Variants in AVPI1 observed in about 807,000 individuals in gnomAD.
AVPI1 encodes arginine vasopressin induced 1.
Under a neutral mutation model 11.9 loss-of-function variants are expected in AVPI1, and 9 were observed. The ratio of observed to expected loss-of-function variants is 0.76; its 90% CI spans 0.46 to 1.32. AVPI1 has a LOEUF of 1.32. Ranked by LOEUF, AVPI1 falls within the 40% of genes most tolerant of loss-of-function variation. The pLI, the probability that AVPI1 is intolerant of heterozygous loss-of-function variation, is 0.00. For synonymous variants in AVPI1, 68 were observed against 78.1 expected, an observed-to-expected ratio of 0.87 and a Z score of 0.68; for missense variants, 207 against 195.8, an observed-to-expected ratio of 1.06 and a Z score of -0.34.
intron 2 of AVPI1, among the ~76,000 whole-genome samples, 154 bp from the exon 3 acceptor site, chr10:97,678,179 G>A (rs2041676950): frequency 6.6e-6 from 1 of 152,190 alleles, no homozygotes. Flanking sequence ...AGAACTGTCT[G>A]ACTAGACAAA....
chr10:97,680,388 C>T (rs994886671), intron 1 of AVPI1, among the ~76,000 whole-genome samples: 3 of 152,188 alleles, frequency 2.0e-5, no homozygotes, highest in Admixed American at 6.5e-5. Context: ...TTTAATCCTC[C>T]TCATTTCACA....
intron 1 of AVPI1, 125 bp from the exon 2 acceptor site, chr10:97,680,040 G>T: frequency 1.0e-6 from 1 of 969,986 alleles, no homozygotes; most frequent in Non-Finnish European, 1.5e-6. Flanking sequence ...GAAGTCTCCT[G>T]CCTTAAAATC....
chr10:97,677,710 A>G lies in AVPI1; in HGVS notation c.*159T>C, dbSNP rs568121112. On this transcript the variant is annotated 3_prime_UTR_variant, in exon 3 of 3. Coordinates refer to ENST00000370626, the MANE Select transcript of AVPI1 (RefSeq NM_021732.3). The stretch of plus-strand genomic sequence containing the variant: ...GGTCCCACATAATGGAGAGCTCAAC[A>G]GAAGCATCCAGTCTTGTTCTGAATG... 12 of 807,792 alleles carry G rather than the reference A, an allele frequency of 1.5e-5. No individual in the cohort carries two copies. Among genetic ancestry groups the G allele is most frequent in the Admixed American group, 8.8e-5 (3 of 34,138 alleles). 50.0% of individuals were successfully genotyped at this position (807,792 alleles called of 1,614,324 possible).
In AVPI1 at chr10:97,679,878, C is replaced by T. The variant is rs1307740805; in HGVS notation, c.28G>A (p.Glu10Lys). 28 of 1,590,106 alleles carry T rather than the reference C, an allele frequency of 1.8e-5. No homozygotes were observed. Among genetic ancestry groups the T allele is most frequent in the Middle Eastern group, 1.7e-4 (1 of 6,058 alleles). The change falls in exon 2 of 3, where the codon GAG becomes AAG. Residue 10 changes from glutamate to lysine, a missense_variant. Glu to Lys is a moderately conservative substitution (Grantham distance 56, BLOSUM62 1). Coordinates refer to ENST00000370626, the MANE Select transcript of AVPI1 (RefSeq NM_021732.3). ...ATCGGGGCCTGCCAAGGGGGTGGCT[C>T]ACTGACCACCGAGGCTGGGGTACCC... is the stretch of plus-strand genomic sequence containing the variant. The part of the protein sequence containing the change: MGTPASVVS[E>K]PPPWQAPIEA...
chr10:97,681,424 A>G (rs566635971), intron 1 of AVPI1, among the ~76,000 whole-genome samples: 160 of 152,166 alleles, frequency 1.1e-3, no homozygotes, highest in African/African-American at 3.0e-3. Context: ...CTCTACTAAA[A>G]ATACAAAAGT....
At position 97,677,754 on chromosome 10, in the gene AVPI1, A is replaced by G. The variant is rs2041673011; in HGVS notation, c.*115T>C. The G allele has an allele frequency of 5.5e-6, 7 of 1,272,776 alleles. No homozygotes were observed. Among genetic ancestry groups the G allele is most frequent in the Non-Finnish European group, 7.7e-6 (7 of 914,898 alleles). 78.8% of individuals were successfully genotyped at this position (1,272,776 alleles called of 1,614,324 possible). A position where few individuals can be genotyped will look rare whatever the true frequency, so the allele number is the denominator to read the frequency against. On this transcript the variant is annotated 3_prime_UTR_variant, in exon 3 of 3. Coordinates refer to ENST00000370626, the MANE Select transcript of AVPI1 (RefSeq NM_021732.3). ...CTGAATGGAGCAGGTCAGTGGCAGCAGCCTCTTGCTTTCATTTACCCCTTT... is the reference window on the plus strand; with the variant it reads ...CTGAATGGAGCAGGTCAGTGGCAGCGGCCTCTTGCTTTCATTTACCCCTTT...
chr10:97,681,826 C>T (rs1224555999), intron 1 of AVPI1, among the ~76,000 whole-genome samples: 2 of 143,950 alleles, frequency 1.4e-5, no homozygotes, highest in Non-Finnish European at 3.0e-5. Flanking sequence ...TGCAGTGAGC[C>T]GAGATTGCGC....
At chr10:97,684,879 C>T (rs1350944977) in intron 1 of AVPI1, among the ~76,000 whole-genome samples, 1 of 152,080 alleles carries the variant, frequency 6.6e-6, no homozygotes, top group Non-Finnish European at 1.5e-5. Flanking sequence ...TAGGCTGATT[C>T]CAGGTAGGAT....
chr10:97,679,158 T>TG (rs1377431601), intron 2 of AVPI1, among the ~76,000 whole-genome samples: 5 of 149,044 alleles, frequency 3.4e-5, no homozygotes, highest in African/African-American at 1.2e-4. Context: ...TTTTTTTTTT[T>TG]GAGACAGAGT....
In AVPI1 at chr10:97,678,943, G is replaced by GACAGGA. The variant is rs2041684810; in HGVS notation, c.287+675_287+676insTCCTGT. Among the ~76,000 whole-genome samples the GACAGGA allele has an allele frequency of 1.9e-4, 8 of 41,726 alleles. 1 individual carries two copies. Among genetic ancestry groups the GACAGGA allele is most frequent in the East Asian group, 1.3e-3 (2 of 1,482 alleles). 27.4% of individuals were successfully genotyped at this position (41,726 alleles called of 152,430 possible). A position where few individuals can be genotyped will look rare whatever the true frequency, so the allele number is the denominator to read the frequency against. ...TGTGTGTGTGTGTGTGTGTGTGTGT[G>GACAGGA]TGTGTGTGTGTGTGTGTGTGTGTGT... is the stretch of plus-strand genomic sequence containing the variant. On this transcript the variant is annotated intron_variant, in intron 2 of 2. Coordinates refer to ENST00000370626, the MANE Select transcript of AVPI1 (RefSeq NM_021732.3).
chr10:97,679,517 C>T (rs2041691248), intron 2 of AVPI1, 102 bp downstream of exon 2: 14 of 1,400,204 alleles, frequency 1.0e-5, no homozygotes, highest in South Asian at 1.5e-5. Context: ...TGGGCAGGCA[C>T]TTTACAGTGA....
rs2041674615 is a variant in AVPI1, at chr10:97,677,943, TC to T, written c.369del (p.Lys124ArgfsTer45). On this transcript the variant is annotated frameshift_variant, in exon 3 of 3. Transcript: ENST00000370626. LOFTEE classifies it high-confidence loss of function. ...TASSEQYLHS[R>X]KKSARIRRNW... ...TTCCGGCGGATCCTGGCACTTTTCTTCCTAGAGTGCAGATACTGCTCACTGG... is the reference window on the plus strand; with the variant it reads ...TTCCGGCGGATCCTGGCACTTTTCTTCTAGAGTGCAGATACTGCTCACTGG... 1 of 1,614,092 alleles carries T rather than the reference TC, an allele frequency of 6.2e-7. No individual in the cohort carries two copies. Among genetic ancestry groups the T allele is most frequent in the Non-Finnish European group, 8.5e-7 (1 of 1,180,018 alleles).
At chr10:97,683,719 A>G (rs2041715707) in intron 1 of AVPI1, among the ~76,000 whole-genome samples, 1 of 152,230 alleles carries the variant, frequency 6.6e-6, no homozygotes, top group Non-Finnish European at 1.5e-5. Context: ...AAAGAGGAAG[A>G]GCCCAGCTTC....
chr10:97,679,120 G>C (rs1478568882), intron 2 of AVPI1, among the ~76,000 whole-genome samples: 1 of 148,218 alleles, frequency 6.7e-6, no homozygotes, highest in Non-Finnish European at 1.5e-5. Context: ...GGTTGTATAT[G>C]ACTCCAAAAG....
chr10:97,686,550 C>A (rs1050921836), intron 1 of AVPI1, among the ~76,000 whole-genome samples: 2 of 152,182 alleles, frequency 1.3e-5, no homozygotes, highest in Non-Finnish European at 2.9e-5. Context: ...GGCAGTCTGA[C>A]CCCAGCACCC....
chr10:97,684,451 G>C (rs2041719267), intron 1 of AVPI1, among the ~76,000 whole-genome samples: 1 of 151,506 alleles, frequency 6.6e-6, no homozygotes, highest in Non-Finnish European at 1.5e-5. Context: ...GAACCTTAGG[G>C]AGGGCCTAGC....
intron 1 of AVPI1, among the ~76,000 whole-genome samples, chr10:97,681,894 G>GAAAAAAA (rs555725587): frequency 1.9e-5 from 2 of 106,286 alleles, no homozygotes; most frequent in African/African-American, 3.5e-5. Context: ...CAAAAAAAAA[G>GAAAAAAA]AAAAAAAAAA....
chr10:97,682,940 G>A lies in AVPI1; in HGVS notation c.-10-3025C>T, dbSNP rs2041711871. On this transcript the variant is annotated intron_variant, in intron 1 of 2. Transcript: ENST00000370626. ...GTGACAAGAAGACAACAGTCGCCAA[G>A]TAACACTTTTAGGCTGATAAAAAGA... 2.0e-5 allele frequency among the ~76,000 whole-genome samples: 3 copies of A among 152,224 alleles called. No homozygotes were observed. The South Asian group carries it at 6.2e-4, about 31-fold the overall frequency.
At chr10:97,681,866 C>T (rs1426883915) in intron 1 of AVPI1, among the ~76,000 whole-genome samples, 2 of 118,978 alleles carry the variant, frequency 1.7e-5, no homozygotes, top group African/African-American at 3.3e-5. Context: ...GCCTGGGCGA[C>T]AGAGCGAGAC....
Sources: allele counts gnomAD v4.1 joint callset (sites outside exome capture counted in the v4.1 genomes callset), GRCh38; gene constraint gnomAD v4.1.1; transcripts MANE v1.5; gene names NCBI Gene and HGNC (gene_info 2026-07-23, HGNC 2026-07-21).